Variants in ATP7A observed in about 807,000 individuals in gnomAD.
The protein encoded by ATP7A is ATPase copper transporting alpha.
A neutral mutation model predicts 83.5 loss-of-function variants in ATP7A; 7 were observed. The ratio of observed to expected loss-of-function variants is 0.08; its 90% CI spans 0.05 to 0.16. The LOEUF (loss-of-function observed/expected upper bound fraction) is 0.16. Ranked by LOEUF, ATP7A falls within the 10% of genes least tolerant of loss-of-function variation. ATP7A has a pLI of 1.00. For synonymous variants in ATP7A, 354 were observed against 395.2 expected (o/e 0.90, Z 1.24); for missense variants, 940 against 1,120.8 (o/e 0.84, Z 2.30).
intron 1 of ATP7A, among the ~76,000 whole-genome samples, chrX:77,970,079 AG>A (rs1438748462): frequency 1.8e-5 from 2 of 111,385 alleles, no homozygotes; most frequent in Non-Finnish European, 3.8e-5. Flanking sequence ...AGTAGTTTAA[AG>A]GCTTAACTTA....
chrX:77,959,893 G>A (rs1354078368), intron 1 of ATP7A, among the ~76,000 whole-genome samples: 1 of 111,850 alleles, frequency 8.9e-6, no homozygotes, highest in Admixed American at 9.5e-5. Flanking sequence ...CAACTCTACC[G>A]GCTATCATGA....
At chrX:77,917,801 G>T (rs911904430) in intron 1 of ATP7A, among the ~76,000 whole-genome samples, 3 of 111,859 alleles carry the variant, frequency 2.7e-5, no homozygotes, top group Admixed American at 1.9e-4. Flanking sequence ...GAAGCATCTG[G>T]TCAGTTTTAG....
intron 17 of ATP7A, among the ~76,000 whole-genome samples, chrX:78,034,297 C>T (rs2077999645): frequency 9.0e-6 from 1 of 111,490 alleles, no homozygotes; most frequent in East Asian, 2.8e-4. Context: ...GGACCTCCCT[C>T]TTTCTGTTAG....
intron 1 of ATP7A, among the ~76,000 whole-genome samples, chrX:77,941,404 T>A (rs2077350563): frequency 9.0e-6 from 1 of 111,166 alleles, no homozygotes; most frequent in African/African-American, 3.3e-5. Context: ...TCCTTAAAAT[T>A]TTTTTTTCTT....
intron 2 of ATP7A, among the ~76,000 whole-genome samples, chrX:77,981,220 G>C (rs1393577124): frequency 1.8e-5 from 2 of 110,971 alleles, no homozygotes; most frequent in African/African-American, 6.5e-5. Context: ...TTTCAAACTG[G>C]TGCTCTGTCA....
chrX:78,040,211 T>C (rs1404294166), intron 18 of ATP7A, among the ~76,000 whole-genome samples: 2 of 87,233 alleles, frequency 2.3e-5, no homozygotes, highest in East Asian at 4.3e-4. Flanking sequence ...CCCCCCCCCC[T>C]TACCTTAAAA....
At chrX:77,946,459 G>A (rs1266079981) in intron 1 of ATP7A, among the ~76,000 whole-genome samples, 1 of 110,387 alleles carries the variant, frequency 9.1e-6, no homozygotes, top group Non-Finnish European at 1.9e-5. Context: ...TAAGCTGATT[G>A]TTCATGAAAT....
intron 1 of ATP7A, among the ~76,000 whole-genome samples, chrX:77,954,466 GT>G (rs1237642524): frequency 3.6e-5 from 4 of 112,026 alleles, no homozygotes; most frequent in African/African-American, 1.3e-4. Context: ...TACTTCAGTT[GT>G]TTCATCTGGA....
intron 1 of ATP7A, among the ~76,000 whole-genome samples, chrX:77,931,009 C>CTTTTTTT (rs11379657): frequency 3.6e-4 from 24 of 67,233 alleles, no homozygotes; most frequent in Non-Finnish European, 4.8e-4. Context: ...TTTTTTTTAC[C>CTTTTTTT]TTTTTTTTTA....
At chrX:78,017,607 T>G (rs1379677274) in intron 12 of ATP7A, among the ~76,000 whole-genome samples, 1 of 110,944 alleles carries the variant, frequency 9.0e-6, no homozygotes, top group Admixed American at 9.6e-5. Flanking sequence ...TGTGAACACA[T>G]AAAACTGAAT....
In ATP7A at chrX:77,913,714, G is replaced by A. The variant is rs185572231; in HGVS notation, c.-22+2879G>A. On this transcript the variant is annotated intron_variant, in intron 1 of 22. Transcript: ENST00000341514. ...CTAATCTTTTTGTGCCCAAATGTATGAGATATTGGTAGACTACATCAGTTT... is the reference window on the plus strand; with the variant it reads ...CTAATCTTTTTGTGCCCAAATGTATAAGATATTGGTAGACTACATCAGTTT... Among the ~76,000 whole-genome samples, 104 of 112,257 alleles carry A rather than the reference G, an allele frequency of 9.3e-4. 1 individual carries two copies. The highest frequency in any genetic ancestry group is 8.1e-4 in the Non-Finnish European group (43 of 53,283).
At chrX:78,007,797 G>C (rs1265493673) in intron 6 of ATP7A, among the ~76,000 whole-genome samples, 1 of 111,684 alleles carries the variant, frequency 9.0e-6, no homozygotes, top group African/African-American at 3.3e-5. Context: ...AGTTTTCTGG[G>C]TACAGCATAG....
At position 77,931,823 on chromosome X, in the gene ATP7A, AC is replaced by A. The variant is rs1181260883; in HGVS notation, c.-22+20996del. 6.3e-3 allele frequency among the ~76,000 whole-genome samples: 259 copies of A among 40,871 alleles called. 2 individuals carry two copies. The highest frequency in any genetic ancestry group is 0.014 in the African/African-American group (138 of 10,046). The allele number at this position is 40,871 out of a possible 115,157, so 35.5% of individuals were successfully genotyped here. On this transcript the variant is annotated intron_variant, in intron 1 of 22. Transcript: ENST00000341514. ...GGGCGGCTGGCCGGGCGGGGGGCTG[AC>A]CCCCCCCACCTCCCTCCCGGACGGG...
At chrX:78,017,056 C>T (rs1557235242) in intron 12 of ATP7A, among the ~76,000 whole-genome samples, 1 of 112,621 alleles carries the variant, frequency 8.9e-6, no homozygotes, top group Non-Finnish European at 1.9e-5. Flanking sequence ...GATGGCTTCT[C>T]CCCTGCAGCA....
chrX:77,941,119 A>G, intron 1 of ATP7A, among the ~76,000 whole-genome samples: 1 of 111,934 alleles, frequency 8.9e-6, no homozygotes, highest in Non-Finnish European at 1.9e-5. Context: ...ATCAAAGTTT[A>G]GAATGTACAT....
chrX:77,957,583 T>C (rs2077452291), intron 1 of ATP7A, among the ~76,000 whole-genome samples: 1 of 109,822 alleles, frequency 9.1e-6, no homozygotes, highest in South Asian at 3.9e-4. Flanking sequence ...ATTCTGTAGA[T>C]TGTCTCTTTA....
intron 1 of ATP7A, among the ~76,000 whole-genome samples, chrX:77,936,044 T>G: frequency 8.9e-6 from 1 of 112,603 alleles, no homozygotes; most frequent in East Asian, 2.8e-4. Flanking sequence ...TAATTTTCAC[T>G]TCTTGATTTA....
intron 2 of ATP7A, among the ~76,000 whole-genome samples, chrX:77,981,451 T>C (rs781839304): frequency 6.3e-5 from 7 of 111,998 alleles, no homozygotes; most frequent in Admixed American, 9.5e-5. Flanking sequence ...TTGTATATTT[T>C]TGTGTTTAAA....
intron 1 of ATP7A, among the ~76,000 whole-genome samples, chrX:77,970,630 C>T (rs782408661): frequency 4.5e-5 from 5 of 111,711 alleles, no homozygotes; most frequent in Non-Finnish European, 7.5e-5. Flanking sequence ...TGAGATCGTG[C>T]CACAGCACTC....
Sources: gnomAD v4.1 joint callset for allele counts (sites outside exome capture counted in the v4.1 genomes callset) on GRCh38, gnomAD v4.1.1 for gene constraint, MANE v1.5 for transcripts, NCBI Gene and HGNC (gene_info 2026-07-23, HGNC 2026-07-21) for gene names.